The following SLC25A21 variants were observed in gnomAD, a reference collection of about 807,000 sequenced individuals.
SLC25A21 encodes the protein mitochondrial 2-oxodicarboxylate carrier.
SLC25A21 carries 47 observed loss-of-function variants against 43.8 expected under a neutral mutation model. The observed-to-expected ratio is 1.07, with a 90% confidence interval of 0.85 to 1.37. The LOEUF (loss-of-function observed/expected upper bound fraction) is 1.37. SLC25A21 is among the 40% of genes most tolerant of loss of function. The pLI, the probability that SLC25A21 is intolerant of heterozygous loss-of-function variation, is 0.00. For synonymous variants in SLC25A21, 131 were observed against 121.3 expected (o/e 1.08, Z -0.52); for missense variants, 352 against 350.2 (o/e 1.00, Z -0.04).
intron 7 of SLC25A21, among the ~76,000 whole-genome samples, chr14:36,686,661 C>T (rs2139143603): frequency 6.6e-6 from 1 of 152,320 alleles, no homozygotes; most frequent in East Asian, 1.9e-4. Flanking sequence ...TCTAAAGATG[C>T]AAACATTCTG....
At chr14:37,045,041 T>C (rs926921002) in intron 1 of SLC25A21, among the ~76,000 whole-genome samples, 1 of 152,226 alleles carries the variant, frequency 6.6e-6, no homozygotes, top group African/African-American at 2.4e-5. Context: ...CCCACTCTCC[T>C]CTTCCCACCC....
chr14:36,876,952 T>C (rs1373224886), intron 1 of SLC25A21, among the ~76,000 whole-genome samples: 1 of 140,260 alleles, frequency 7.1e-6, no homozygotes, highest in Admixed American at 7.2e-5. Context: ...CACACACACA[T>C]ACATATACAT....
chr14:37,131,701 GTCTC>G (rs933595847), intron 1 of SLC25A21, among the ~76,000 whole-genome samples: 3 of 152,284 alleles, frequency 2.0e-5, no homozygotes, highest in African/African-American at 4.8e-5. Context: ...TTGAGACAGG[GTCTC>G]TCTCTGTTGC....
chr14:36,927,492 T>G (rs1892163380), intron 1 of SLC25A21, among the ~76,000 whole-genome samples: 1 of 152,184 alleles, frequency 6.6e-6, no homozygotes, highest in African/African-American at 2.4e-5. Context: ...TCTCTCTTAT[T>G]TTGTTTTCCT....
intron 1 of SLC25A21, among the ~76,000 whole-genome samples, chr14:36,893,302 A>ATGG (rs1445857456): frequency 2.0e-5 from 3 of 152,180 alleles, no homozygotes; most frequent in Admixed American, 1.3e-4. Flanking sequence ...ATGGCCAGTG[A>ATGG]TGGTGAGCAT....
At chr14:37,000,351 C>T (rs1051693115) in intron 1 of SLC25A21, among the ~76,000 whole-genome samples, 7 of 152,126 alleles carry the variant, frequency 4.6e-5, no homozygotes, top group Non-Finnish European at 1.0e-4. Context: ...GCTACTGTCT[C>T]TTTACAAAAT....
At chr14:36,833,669 C>T (rs1374925372) in intron 2 of SLC25A21, among the ~76,000 whole-genome samples, 2 of 152,140 alleles carry the variant, frequency 1.3e-5, no homozygotes, top group African/African-American at 4.8e-5. Context: ...ATTTCCTCTC[C>T]TAGTACAGGG....
In SLC25A21 at chr14:37,031,529, A is replaced by C. The variant is rs1246896532; in HGVS notation, c.70+140752T>G. 2.6e-5 allele frequency among the ~76,000 whole-genome samples: 4 copies of C among 152,296 alleles called. No homozygotes were observed. In the East Asian group the frequency reaches 7.7e-4, roughly 29 times the overall value. On this transcript the variant is annotated intron_variant, in intron 1 of 9. Transcript: ENST00000331299. ...AACTATTTGTTCCACACTAACTTAC[A>C]GGTTACTTTATATCACAGGTATCTC...
intron 1 of SLC25A21, among the ~76,000 whole-genome samples, chr14:37,122,633 G>A (rs1007365620): frequency 5.6e-5 from 1 of 17,876 alleles, no homozygotes; most frequent in African/African-American, 1.0e-4. Context: ...GAAACAATAC[G>A]ATATAGTATG....
chr14:37,026,951 G>A (rs918333686), intron 1 of SLC25A21, among the ~76,000 whole-genome samples: 3 of 152,156 alleles, frequency 2.0e-5, no homozygotes, highest in East Asian at 3.9e-4. Flanking sequence ...ACTTCTTTGA[G>A]AGGAGAAAAA....
intron 1 of SLC25A21, among the ~76,000 whole-genome samples, chr14:37,158,088 T>G (rs1030927342): frequency 6.6e-6 from 1 of 152,038 alleles, no homozygotes; most frequent in Non-Finnish European, 1.5e-5. Flanking sequence ...GAATCAGTAA[T>G]AAAAGTCTCC....
intron 1 of SLC25A21, among the ~76,000 whole-genome samples, chr14:37,068,331 C>G (rs1962101367): frequency 6.6e-6 from 1 of 152,114 alleles, no homozygotes; most frequent in Non-Finnish European, 1.5e-5. Flanking sequence ...GGTTCTCTGT[C>G]TATAAAATGG....
intron 1 of SLC25A21, among the ~76,000 whole-genome samples, chr14:37,062,296 A>G (rs564024866): frequency 6.6e-6 from 1 of 152,268 alleles, no homozygotes; most frequent in Admixed American, 6.5e-5. Flanking sequence ...TTTACCTATT[A>G]TAGGGTAAAT....
intron 3 of SLC25A21, among the ~76,000 whole-genome samples, chr14:36,784,072 T>C (rs557925624): frequency 6.6e-6 from 1 of 152,358 alleles, no homozygotes; most frequent in East Asian, 1.9e-4. Flanking sequence ...ACCAACAAAA[T>C]GATTACCCAG....
At chr14:36,843,798 A>G (rs1363847016) in intron 2 of SLC25A21, among the ~76,000 whole-genome samples, 2 of 152,200 alleles carry the variant, frequency 1.3e-5, no homozygotes, top group East Asian at 1.9e-4. Context: ...TACACATCCA[A>G]ATTTCCCCAA....
At chr14:36,864,344 G>A (rs560153715) in intron 2 of SLC25A21, among the ~76,000 whole-genome samples, 2 of 152,274 alleles carry the variant, frequency 1.3e-5, no homozygotes, top group East Asian at 3.9e-4. Context: ...GCCAAGTGGA[G>A]CCTGGCCAAC....
intron 1 of SLC25A21, among the ~76,000 whole-genome samples, chr14:36,970,438 C>G (rs971090067): frequency 6.6e-6 from 1 of 152,052 alleles, no homozygotes; most frequent in Admixed American, 6.6e-5. Context: ...AGGCCAACTT[C>G]AAAGTAAAGG....
chr14:36,954,727 A>C (rs1008003921), intron 1 of SLC25A21, among the ~76,000 whole-genome samples: 1 of 152,140 alleles, frequency 6.6e-6, no homozygotes, highest in Non-Finnish European at 1.5e-5. Context: ...TGCAAATGTT[A>C]ACTAGCTCGA....
intron 3 of SLC25A21, among the ~76,000 whole-genome samples, chr14:36,739,555 G>T (rs769064264): frequency 1.3e-5 from 2 of 152,060 alleles, no homozygotes; most frequent in African/African-American, 4.8e-5. Flanking sequence ...GTGCACGCAT[G>T]TAGTCCCAGC....
Sources: gnomAD v4.1 joint callset for allele counts (sites outside exome capture counted in the v4.1 genomes callset) on GRCh38, gnomAD v4.1.1 for gene constraint, MANE v1.5 for transcripts, NCBI Gene and HGNC (gene_info 2026-07-23, HGNC 2026-07-21) for gene names.